Variants in COL4A4 observed in about 807,000 individuals in gnomAD.
COL4A4 encodes the protein collagen alpha-4(IV) chain.
COL4A4 carries 105 observed loss-of-function variants against 192.9 expected under a neutral mutation model. The ratio of observed to expected loss-of-function variants is 0.54; its 90% CI spans 0.46 to 0.64. The LOEUF (loss-of-function observed/expected upper bound fraction) is 0.64. Among genes scored for constraint, COL4A4 ranks in the 30% least tolerant of loss-of-function variants. The pLI is 0.00. For missense variants in COL4A4, 1,967 were observed against 2,169.3 expected (o/e 0.91, Z 1.85); for synonymous variants, 762 against 769.9 (o/e 0.99, Z 0.17).
intron 37 of COL4A4, among the ~76,000 whole-genome samples, chr2:227,033,959 T>C (rs1968980271): frequency 6.6e-6 from 1 of 152,238 alleles, no homozygotes; most frequent in South Asian, 2.1e-4. Flanking sequence ...AGAGGACGCA[T>C]GGCGCCTGTG....
intron 37 of COL4A4, among the ~76,000 whole-genome samples, chr2:227,036,663 G>A (rs1289537538): frequency 2.6e-5 from 4 of 152,234 alleles, no homozygotes; most frequent in African/African-American, 9.6e-5. Context: ...AATGCACAGA[G>A]TCTGCCCCAA....
At chr2:226,974,517 G>A in the COL4A4 span, among the ~76,000 whole-genome samples, 4 of 152,152 alleles carry the variant, frequency 2.6e-5, no homozygotes, top group South Asian at 4.1e-4. Context: ...GATTACAGGC[G>A]TGAGCCACCG....
At chr2:227,124,313 C>T (rs950458613) in intron 4 of COL4A4, among the ~76,000 whole-genome samples, 3 of 152,102 alleles carry the variant, frequency 2.0e-5, no homozygotes, top group African/African-American at 4.8e-5. Flanking sequence ...TGGCAAAGAC[C>T]GCAATTACTT....
At chr2:227,027,216 C>T (rs1949806) in intron 42 of COL4A4, among the ~76,000 whole-genome samples, 69,344 of 148,012 alleles carry the variant, frequency 0.47, 16,417 homozygotes, top group South Asian at 0.55. Context: ...CACACCACTG[C>T]ACTCCAGCCT....
intron 4 of COL4A4, 91 bp from the exon 5 acceptor site, chr2:227,121,239 T>A (rs2061768426): frequency 1.4e-6 from 2 of 1,415,888 alleles, no homozygotes; most frequent in Non-Finnish European, 1.9e-6. Context: ...TACAGAAGAC[T>A]TGGAAATTAG....
At chr2:226,982,640 A>G in the COL4A4 span, among the ~76,000 whole-genome samples, 9 of 152,242 alleles carry the variant, frequency 5.9e-5, no homozygotes, top group Admixed American at 1.3e-4. Flanking sequence ...GTTCCAAAGT[A>G]TATGAGTTTG....
intron 21 of COL4A4, 43 bp from the exon 22 acceptor site, chr2:227,088,859 A>G (rs763746877): frequency 2.5e-6 from 4 of 1,607,872 alleles, no homozygotes; most frequent in Non-Finnish European, 3.4e-6. Context: ...TTTCCTGAAT[A>G]AAATCCCCAA....
chr2:226,998,160 T>C (rs549238479), downstream of COL4A4: 5 of 152,376 alleles, frequency 3.3e-5, no homozygotes, highest in South Asian at 1.0e-3. Flanking sequence ...TACTTGGTTC[T>C]GAAGAGGAGG....
chr2:227,041,499 G>C (rs1970815112), intron 37 of COL4A4, among the ~76,000 whole-genome samples: 1 of 151,524 alleles, frequency 6.6e-6, no homozygotes, highest in Non-Finnish European at 1.5e-5. Context: ...AAATTAGCCA[G>C]GCATGGTGAT....
intron 35 of COL4A4, among the ~76,000 whole-genome samples, chr2:227,045,943 G>GTA (rs371785056): frequency 0.054 from 2,067 of 38,006 alleles, 170 homozygotes; most frequent in South Asian, 0.13. Context: ...ATGTATATAT[G>GTA]TATATATGTA....
rs532921399 is a variant in COL4A4, at chr2:227,030,367, C to T, written c.3973+76G>A. The stretch of plus-strand genomic sequence containing the variant: ...TTGTTTGCATAGGAAATAGAAATGG[C>T]GGCACAGTACCCCAGACCCTCAAGG... On this transcript the variant is annotated intron_variant, in intron 41 of 47. Coordinates refer to ENST00000396625, the MANE Select transcript of COL4A4 (RefSeq NM_000092.5). 8.0e-5 allele frequency: 117 copies of T among 1,468,956 alleles called. 1 individual carries two copies. The South Asian group carries it at 1.1e-3, about 14-fold the overall frequency. 91.0% of individuals were successfully genotyped at this position (1,468,956 alleles called of 1,614,324 possible).
chr2:227,005,198 G>A lies in COL4A4; in HGVS notation c.*2127C>T, dbSNP rs1266676410. ...TGTCTACATAATTTAGCCTGTCTTT[G>A]TGTGGGTTTTTTTTTTTTACTTATT... is the stretch of plus-strand genomic sequence containing the variant. On this transcript the variant is annotated 3_prime_UTR_variant, in exon 48 of 48. Coordinates refer to ENST00000396625, the MANE Select transcript of COL4A4 (RefSeq NM_000092.5). The A allele has an allele frequency of 7.6e-6, 1 of 132,130 alleles. No individual in the cohort carries two copies. Among genetic ancestry groups the A allele is most frequent in the Admixed American group, 7.9e-5 (1 of 12,726 alleles). 8.2% of individuals were successfully genotyped at this position (132,130 alleles called of 1,614,324 possible).
At chr2:227,030,641 C>A in intron 40 of COL4A4, 43 bp from the exon 41 acceptor site, 2 of 1,516,564 alleles carry the variant, frequency 1.3e-6, no homozygotes, top group South Asian at 2.6e-5. Context: ...TAGTCAAAGA[C>A]GAATGTGTAT....
chr2:227,138,658 G>C (rs2062991985), intron 4 of COL4A4, among the ~76,000 whole-genome samples: 1 of 151,298 alleles, frequency 6.6e-6, no homozygotes, highest in Non-Finnish European at 1.5e-5. Flanking sequence ...AAAAGAAAAA[G>C]CTCAAGATAA....
intron 45 of COL4A4, among the ~76,000 whole-genome samples, chr2:227,011,718 C>T (rs1963751436): frequency 6.6e-6 from 1 of 152,152 alleles, no homozygotes; most frequent in Non-Finnish European, 1.5e-5. Flanking sequence ...CTGTTTTCTA[C>T]ATCAGTGTAC....
At chr2:227,041,860 A>AAGAAAGAGAGAGAG (rs1971385824) in intron 37 of COL4A4, among the ~76,000 whole-genome samples, 1 of 92,284 alleles carries the variant, frequency 1.1e-5, no homozygotes, top group African/African-American at 5.5e-5. Flanking sequence ...GAAAGAAAGA[A>AAGAAAGAGAGAGAG]AGAAAGAAAG....
At chr2:227,113,645 C>A (rs1284123048) in intron 8 of COL4A4, among the ~76,000 whole-genome samples, 2 of 152,192 alleles carry the variant, frequency 1.3e-5, no homozygotes, top group East Asian at 3.8e-4. Context: ...CATCCTGGTT[C>A]CTAGAATGAC....
Position 227,140,162 on chromosome 2 carries a change from C to G in COL4A4, c.191G>C (p.Arg64Pro), listed in dbSNP as rs371326070. 6.2e-7 allele frequency: 1 copy of G among 1,613,540 alleles called. No homozygotes were observed. The highest frequency in any genetic ancestry group is 8.5e-7 in the Non-Finnish European group (1 of 1,179,490). ...VCHCVPEKGS[R>P]GPPGPPGPQG... ...CATGTTGGTCTTTACATCACTTACC[C>G]GAGACCCCTTTTCAGGAACACAGTG... The change falls in exon 4 of 48, where the codon CGG becomes CCG. Residue 64 changes from arginine (R) to proline (P), a missense_variant and splice_region_variant. Transcript: ENST00000396625.
At chr2:227,114,509 T>G in intron 8 of COL4A4, 119 bp downstream of exon 8, 1 of 818,288 alleles carries the variant, frequency 1.2e-6, no homozygotes, top group South Asian at 1.4e-5. Context: ...GTCAGGGTAA[T>G]GATAAAAATT....
Sources: gnomAD v4.1 joint callset for allele counts (sites outside exome capture counted in the v4.1 genomes callset) on GRCh38, gnomAD v4.1.1 for gene constraint, MANE v1.5 for transcripts, NCBI Gene and HGNC (gene_info 2026-07-23, HGNC 2026-07-21) for gene names.